Variants in SYT1 observed in about 807,000 individuals in gnomAD.
The protein encoded by SYT1 is synaptotagmin 1.
SYT1 carries 8 observed loss-of-function variants against 44.8 expected under a neutral mutation model. That is an observed-to-expected ratio of 0.18 (90% CI 0.10 to 0.32). SYT1 has a LOEUF of 0.32. Among genes scored for constraint, SYT1 ranks in the 10% least tolerant of loss-of-function variants. SYT1 has a pLI of 1.00. For synonymous variants in SYT1, 154 were observed against 188.8 expected (o/e 0.82, Z 1.51); for missense variants, 286 against 509.3 (o/e 0.56, Z 4.22).
intron 9 of SYT1, among the ~76,000 whole-genome samples, chr12:79,389,376 C>G: frequency 6.6e-6 from 1 of 152,050 alleles, no homozygotes; most frequent in East Asian, 1.9e-4. Context: ...ATAATACACC[C>G]AAAGAAATTG....
At chr12:79,038,599 G>A (rs1319471517) in intron 2 of SYT1, among the ~76,000 whole-genome samples, 4 of 151,902 alleles carry the variant, frequency 2.6e-5, no homozygotes, top group African/African-American at 9.7e-5. Context: ...GGATATCTGT[G>A]CACATCAACC....
intron 1 of SYT1, among the ~76,000 whole-genome samples, chr12:78,976,240 G>C (rs1439780357): frequency 6.6e-6 from 1 of 151,452 alleles, no homozygotes; most frequent in Admixed American, 6.6e-5. Flanking sequence ...CCAAAAAGAA[G>C]AAAAAAAAGT....
intron 1 of SYT1, among the ~76,000 whole-genome samples, chr12:78,924,967 A>G (rs1877220843): frequency 6.6e-6 from 1 of 151,870 alleles, no homozygotes; most frequent in South Asian, 2.1e-4. Context: ...CTCAGCAGAT[A>G]GCCTGGAAGT....
intron 2 of SYT1, among the ~76,000 whole-genome samples, chr12:78,978,793 A>G (rs1041072830): frequency 7.9e-5 from 12 of 151,996 alleles, no homozygotes; most frequent in African/African-American, 2.7e-4. Context: ...TGTCTTTAAG[A>G]CTCTGTTTTA....
chr12:79,175,977 CTG>C (rs1488968537), intron 3 of SYT1, among the ~76,000 whole-genome samples: 1 of 151,976 alleles, frequency 6.6e-6, no homozygotes, highest in African/African-American at 2.4e-5. Flanking sequence ...GGTCCTTAAA[CTG>C]TTTAAATTTG....
chr12:78,947,898 T>TAAAA lies in SYT1; in HGVS notation c.-216-29899_-216-29898insAAAA, dbSNP rs1878757184. Among the ~76,000 whole-genome samples the TAAAA allele has an allele frequency of 2.0e-5, 3 of 152,072 alleles. No individual in the cohort carries two copies. The East Asian group carries it at 5.8e-4, about 29-fold the overall frequency. ...TATAAACCAATCTCTTAAAACATTT[T>TAAAA]AATAAATATTTTATTTTAATCTATT... On this transcript the variant is annotated intron_variant, in intron 1 of 10. Coordinates refer to ENST00000261205, the MANE Select transcript of SYT1 (RefSeq NM_005639.3).
chr12:79,408,685 G>A (rs1297944117), intron 9 of SYT1, among the ~76,000 whole-genome samples: 4 of 150,922 alleles, frequency 2.7e-5, no homozygotes, highest in Non-Finnish European at 4.4e-5. Flanking sequence ...TTGTCCTGGC[G>A]CCTCCAAATT....
At chr12:79,241,262 CTTTT>C (rs3067371) in intron 4 of SYT1, among the ~76,000 whole-genome samples, 1 of 149,896 alleles carries the variant, frequency 6.7e-6, no homozygotes. Flanking sequence ...GCACTGGCAA[CTTTT>C]TTTTTTTTTA....
chr12:78,909,317 C>A (rs1876173794), intron 1 of SYT1, among the ~76,000 whole-genome samples: 1 of 151,754 alleles, frequency 6.6e-6, no homozygotes, highest in African/African-American at 2.4e-5. Flanking sequence ...TTCTAAATTG[C>A]TTTGCTTCGT....
rs530556945 is a variant in SYT1 at position 78,869,703 on chromosome 12, T to G, written c.-217+4594T>G. On this transcript the variant is annotated intron_variant, in intron 1 of 10. Coordinates refer to ENST00000261205, the MANE Select transcript of SYT1 (RefSeq NM_005639.3). ...CCTTTATGGTAGTGTTAGAAATGAA[T>G]TTTCTAGCATGTCTTTGACACATGC... Among the ~76,000 whole-genome samples, 6 of 152,168 alleles carry G rather than the reference T, an allele frequency of 3.9e-5. No homozygotes were observed. The South Asian group carries it at 1.2e-3, about 31-fold the overall frequency.
At chr12:79,140,591 G>T (rs1257679243) in intron 3 of SYT1, among the ~76,000 whole-genome samples, 2 of 152,222 alleles carry the variant, frequency 1.3e-5, no homozygotes, top group African/African-American at 4.8e-5. Flanking sequence ...ACCATGCAGG[G>T]TTCTACAGAT....
At chr12:79,167,658 A>G (rs1871293556) in intron 3 of SYT1, among the ~76,000 whole-genome samples, 1 of 152,078 alleles carries the variant, frequency 6.6e-6, no homozygotes, top group African/African-American at 2.4e-5. Context: ...GTGAAATGTC[A>G]GGGACTGAAT....
intron 1 of SYT1, among the ~76,000 whole-genome samples, chr12:78,918,101 A>G (rs1170967339): frequency 6.6e-6 from 1 of 152,100 alleles, no homozygotes; most frequent in Non-Finnish European, 1.5e-5. Context: ...TAAATCTGCT[A>G]GCAAGTTAAA....
At chr12:79,277,333 T>A (rs894851709) in intron 4 of SYT1, among the ~76,000 whole-genome samples, 1 of 152,154 alleles carries the variant, frequency 6.6e-6, no homozygotes, top group African/African-American at 2.4e-5. Context: ...AGCAGAAACC[T>A]TCTAAACCAG....
chr12:78,959,820 T>C (rs1419109584), intron 1 of SYT1, among the ~76,000 whole-genome samples: 2 of 152,158 alleles, frequency 1.3e-5, no homozygotes, highest in African/African-American at 2.4e-5. Context: ...AATGTTTTTA[T>C]GTCTTTGGAG....
chr12:79,389,844 T>C (rs1486411462), intron 9 of SYT1, among the ~76,000 whole-genome samples: 2 of 152,218 alleles, frequency 1.3e-5, no homozygotes, highest in Non-Finnish European at 2.9e-5. Context: ...TTCATTGTCT[T>C]TAATGTGTTT....
At chr12:79,359,639 G>A (rs984466694) in intron 9 of SYT1, among the ~76,000 whole-genome samples, 1 of 152,080 alleles carries the variant, frequency 6.6e-6, no homozygotes, top group Non-Finnish European at 1.5e-5. Context: ...GCCAGTGTGT[G>A]GATTAGCTAC....
intron 4 of SYT1, among the ~76,000 whole-genome samples, chr12:79,228,394 C>T (rs554618259): frequency 6.6e-6 from 1 of 152,158 alleles, no homozygotes; most frequent in Non-Finnish European, 1.5e-5. Flanking sequence ...CAGATACTTC[C>T]CGATGTACAA....
intron 8 of SYT1, among the ~76,000 whole-genome samples, chr12:79,307,332 G>A (rs1242590120): frequency 6.6e-6 from 1 of 152,150 alleles, no homozygotes; most frequent in African/African-American, 2.4e-5. Context: ...TTAAATTCTT[G>A]CCAATTATGA....
Sources: gnomAD v4.1 joint callset for allele counts (sites outside exome capture counted in the v4.1 genomes callset) on GRCh38, gnomAD v4.1.1 for gene constraint, MANE v1.5 for transcripts, NCBI Gene and HGNC (gene_info 2026-07-23, HGNC 2026-07-21) for gene names.